Variants in CTNNA3 observed in about 807,000 individuals in gnomAD.
CTNNA3 encodes the protein catenin alpha 3.
Under a neutral mutation model 95.7 loss-of-function variants are expected in CTNNA3, and 76 were observed. The observed-to-expected ratio is 0.79, with a 90% CI of 0.66 to 0.96. The LOEUF is 0.96. Ranked by LOEUF, CTNNA3 falls within the 40% of genes least tolerant of loss-of-function variation. The probability of loss-of-function intolerance (pLI) is 0.00; values close to 1 mark genes in which losing one functional copy is unlikely to be tolerated. For synonymous variants in CTNNA3, 431 were observed against 374.4 expected (o/e 1.15, Z -1.74); for missense variants, 1,191 against 1,089.8 (o/e 1.09, Z -1.31).
At chr10:67,354,114 A>C (rs1235486034) in intron 5 of CTNNA3, among the ~76,000 whole-genome samples, 1 of 152,018 alleles carries the variant, frequency 6.6e-6, no homozygotes, top group East Asian at 1.9e-4. Flanking sequence ...AACATTACAA[A>C]AGTCTTGCTT....
intron 15 of CTNNA3, among the ~76,000 whole-genome samples, chr10:66,044,784 A>G (rs950769572): frequency 6.6e-6 from 1 of 152,228 alleles, no homozygotes; most frequent in Non-Finnish European, 1.5e-5. Flanking sequence ...AGAGAATTTG[A>G]AGTAATTTGA....
At chr10:66,619,163 G>A (rs1844646844) in intron 10 of CTNNA3, among the ~76,000 whole-genome samples, 1 of 151,376 alleles carries the variant, frequency 6.6e-6, no homozygotes, top group South Asian at 2.1e-4. Context: ...TGATTCCTCA[G>A]GGATCTAGAA....
chr10:66,720,486 G>A (rs1263782181), intron 9 of CTNNA3, among the ~76,000 whole-genome samples: 1 of 152,168 alleles, frequency 6.6e-6, no homozygotes, highest in Non-Finnish European at 1.5e-5. Context: ...TTTAGAGGAA[G>A]ACCCTTCTCT....
chr10:67,728,043 T>C (rs1841251844), intron 1 of CTNNA3, among the ~76,000 whole-genome samples: 1 of 141,340 alleles, frequency 7.1e-6, no homozygotes, highest in South Asian at 2.1e-4. Flanking sequence ...TATATAATTA[T>C]AATTATATAT....
Position 66,652,256 on chromosome 10 carries a change from A to C in CTNNA3, c.1282-30472T>G, listed in dbSNP as rs564268863. Among the ~76,000 whole-genome samples the C allele has an allele frequency of 1.7e-4, 26 of 152,230 alleles. No individual in the cohort carries two copies. In the South Asian group the frequency reaches 5.4e-3, roughly 32 times the overall value. ...AGTTAATCAAAATGGACAAATCTTT[A>C]AGTAGACTAATAAAAAAGAGAAAGA... On this transcript the variant is annotated intron_variant, in intron 9 of 17. Coordinates refer to ENST00000433211, the MANE Select transcript of CTNNA3 (RefSeq NM_013266.4).
intron 17 of CTNNA3, among the ~76,000 whole-genome samples, chr10:65,936,237 G>C (rs2077335445): frequency 1.3e-5 from 2 of 152,058 alleles, no homozygotes; most frequent in Admixed American, 6.5e-5. Context: ...ATTTTCTTAA[G>C]TTAACTTTTA....
intron 11 of CTNNA3, among the ~76,000 whole-genome samples, chr10:66,449,057 A>C (rs187259481): frequency 2.5e-4 from 38 of 152,200 alleles, no homozygotes; most frequent in African/African-American, 8.4e-4. Context: ...GTAATGAAGA[A>C]ATAATGACAC....
At chr10:67,207,385 A>AT (rs1224188404) in intron 6 of CTNNA3, among the ~76,000 whole-genome samples, 14 of 152,294 alleles carry the variant, frequency 9.2e-5, no homozygotes, top group African/African-American at 3.4e-4. Flanking sequence ...TTTGTATTTA[A>AT]TAATATTAAT....
chr10:66,653,942 A>T (rs113889534), intron 9 of CTNNA3, among the ~76,000 whole-genome samples: 1 of 152,232 alleles, frequency 6.6e-6, no homozygotes, highest in African/African-American at 2.4e-5. Context: ...CACCATATGT[A>T]AAAATCAACT....
intron 12 of CTNNA3, among the ~76,000 whole-genome samples, chr10:66,295,582 A>G (rs57808710): frequency 0.11 from 17,438 of 152,232 alleles, 1,270 homozygotes; most frequent in East Asian, 0.28. Flanking sequence ...CAGTTTATAA[A>G]GCCAAGACAA....
At chr10:67,572,947 G>A (rs531090214) in intron 3 of CTNNA3, among the ~76,000 whole-genome samples, 2 of 152,230 alleles carry the variant, frequency 1.3e-5, no homozygotes, top group African/African-American at 4.8e-5. Flanking sequence ...AAGTTAGCTT[G>A]GCATGGTGGT....
At chr10:66,991,943 C>T (rs938446766) in intron 7 of CTNNA3, among the ~76,000 whole-genome samples, 1 of 152,154 alleles carries the variant, frequency 6.6e-6, no homozygotes, top group Admixed American at 6.6e-5. Flanking sequence ...ACCTTCATAC[C>T]TCCCCTTTCA....
chr10:66,581,918 C>T (rs987689847), intron 10 of CTNNA3, among the ~76,000 whole-genome samples: 1 of 151,610 alleles, frequency 6.6e-6, no homozygotes, highest in African/African-American at 2.4e-5. Context: ...TGTCCTTTCC[C>T]CGATTTATGT....
intron 14 of CTNNA3, among the ~76,000 whole-genome samples, chr10:66,076,916 G>A (rs1309517778): frequency 6.6e-6 from 1 of 151,608 alleles, no homozygotes; most frequent in African/African-American, 2.4e-5. Flanking sequence ...CCTCTCCAAT[G>A]TTTTATTTCT....
intron 1 of CTNNA3, among the ~76,000 whole-genome samples, chr10:67,693,507 CA>C (rs953327796): frequency 5.9e-5 from 9 of 151,446 alleles, no homozygotes; most frequent in Non-Finnish European, 7.4e-5. Flanking sequence ...CCTTCTATTC[CA>C]AAAAAAATAG....
At chr10:66,851,333 T>C (rs1843476770) in intron 7 of CTNNA3, among the ~76,000 whole-genome samples, 1 of 152,170 alleles carries the variant, frequency 6.6e-6, no homozygotes, top group Admixed American at 6.6e-5. Flanking sequence ...TGTTACTACT[T>C]GGCCCAGTAA....
chr10:66,568,278 A>G (rs1263783888), intron 10 of CTNNA3, among the ~76,000 whole-genome samples: 1 of 152,192 alleles, frequency 6.6e-6, no homozygotes, highest in Non-Finnish European at 1.5e-5. Flanking sequence ...TTGAAAATCA[A>G]TTAGAGTCCA....
chr10:67,517,842 A>G (rs1327515811), intron 5 of CTNNA3, among the ~76,000 whole-genome samples: 3 of 152,138 alleles, frequency 2.0e-5, no homozygotes, highest in Non-Finnish European at 4.4e-5. Flanking sequence ...TCTATCCCAT[A>G]TGTTCAGAAC....
intron 5 of CTNNA3, among the ~76,000 whole-genome samples, chr10:67,500,262 A>G (rs957404114): frequency 1.3e-5 from 2 of 152,212 alleles, no homozygotes; most frequent in African/African-American, 4.8e-5. Flanking sequence ...CTTAAACCTG[A>G]GTTCTAATTT....
Sources: gnomAD v4.1 joint callset for allele counts (sites outside exome capture counted in the v4.1 genomes callset) on GRCh38, gnomAD v4.1.1 for gene constraint, MANE v1.5 for transcripts, NCBI Gene and HGNC (gene_info 2026-07-23, HGNC 2026-07-21) for gene names.